The following ZNF682 variants were observed in gnomAD, a reference collection of about 807,000 sequenced individuals.
ZNF682 encodes zinc finger protein 682.
In ZNF682, 29 loss-of-function variants were observed where a neutral mutation model predicts 36.5. That is an observed-to-expected ratio of 0.80 (90% CI 0.59 to 1.08). The LOEUF is 1.08. Among genes scored for constraint, ZNF682 ranks in the 50% least tolerant of loss-of-function variants. The pLI is 0.00. For missense variants in ZNF682, 561 were observed against 579.7 expected (o/e 0.97, Z 0.33); for synonymous variants, 180 against 197.0 (o/e 0.91, Z 0.72).
chr19:19,995,955 C>G (rs2088126816), downstream of ZNF682, among the ~76,000 whole-genome samples: 1 of 152,180 alleles, frequency 6.6e-6, no homozygotes, highest in African/African-American at 2.4e-5. Context: ...TGTGCTCCCT[C>G]ATTGTCATGG....
chr19:20,010,040 T>A lies in ZNF682; in HGVS notation c.227-2765A>T, dbSNP rs377404182. On this transcript the variant is annotated intron_variant, in intron 3 of 3. Transcript: ENST00000397165. ...ATCTCAACAACAACAAAAAAAGAGA[T>A]TAAAAAAAAAAAAGAAATTCCAATC... Among the ~76,000 whole-genome samples the A allele has an allele frequency of 5.4e-5, 8 of 149,486 alleles. No homozygotes were observed. In the South Asian group the frequency reaches 1.1e-3, roughly 20 times the overall value.
At chr19:20,022,654 ACTCT>A (rs1208958181) in intron 3 of ZNF682, among the ~76,000 whole-genome samples, 1 of 150,278 alleles carries the variant, frequency 6.7e-6, no homozygotes, top group East Asian at 1.9e-4. Flanking sequence ...CACGAGCGAA[ACTCT>A]CTCTCTCAAA....
At position 20,036,383 on chromosome 19, in the gene ZNF682, T is replaced by C. The variant is rs536424898; in HGVS notation, c.3+2960A>G. On this transcript the variant is annotated intron_variant, in intron 1 of 3. Transcript: ENST00000397165. ...CCCAGGCTGGAGTGAAGTGGGCAGA[T>C]CACCTGAGGTCAGGAGTTCAGGACC... 5.3e-5 allele frequency among the ~76,000 whole-genome samples: 3 copies of C among 56,658 alleles called. No individual in the cohort carries two copies. The South Asian group carries it at 2.5e-3, about 48-fold the overall frequency. 37.2% of individuals were successfully genotyped at this position (56,658 alleles called of 152,430 possible). A position where few individuals can be genotyped will look rare whatever the true frequency, so the allele number is the denominator to read the frequency against.
chr19:20,015,726 A>T (rs2088329169), intron 3 of ZNF682: 1 of 396,274 alleles, frequency 2.5e-6, no homozygotes, highest in South Asian at 1.3e-4. Flanking sequence ...CATTATAATT[A>T]TTCATAAAAA....
At chr19:20,033,364 A>G (rs975024382) in intron 1 of ZNF682, 5 of 152,476 alleles carry the variant, frequency 3.3e-5, no homozygotes, top group African/African-American at 1.2e-4. Context: ...GTACTGGGCC[A>G]TGGTGCTTCT....
chr19:20,015,388 G>A, intron 3 of ZNF682: 1 of 983,988 alleles, frequency 1.0e-6, no homozygotes. Flanking sequence ...TAAACATATG[G>A]CTGATTCATA....
chr19:20,025,166 T>G (rs1453688505), intron 1 of ZNF682, among the ~76,000 whole-genome samples: 1 of 152,204 alleles, frequency 6.6e-6, no homozygotes, highest in Non-Finnish European at 1.5e-5. Context: ...GAGCCCCAGT[T>G]TATCTGACTA....
At chr19:20,019,965 A>AT (rs1428662621) in intron 3 of ZNF682, among the ~76,000 whole-genome samples, 2 of 151,446 alleles carry the variant, frequency 1.3e-5, no homozygotes, top group Non-Finnish European at 1.5e-5. Flanking sequence ...TAATCCCAGC[A>AT]TTTTGGGAAT....
At chr19:19,998,828 AATAG>A (rs1339408876) in intron 3 of ZNF682, among the ~76,000 whole-genome samples, 5 of 152,176 alleles carry the variant, frequency 3.3e-5, no homozygotes, top group Non-Finnish European at 2.9e-5. Context: ...ACAGTACAGA[AATAG>A]ATAATTAAAC....
Position 20,007,195 on chromosome 19 carries a change from A to G in ZNF682, c.307T>C (p.Tyr103His), listed in dbSNP as rs2088234892. The G allele has an allele frequency of 6.2e-7, 1 of 1,613,572 alleles. No individual in the cohort carries two copies. Among genetic ancestry groups the G allele is most frequent in the African/African-American group, 1.3e-5 (1 of 74,892 alleles). Reference protein sequence around the residue: ...DSFQKVILRRYGSCGLEDLHL... With the variant: ...DSFQKVILRRHGSCGLEDLHL... The stretch of plus-strand genomic sequence containing the variant: ...AAATCCTCAAGTCCACAGCTTCCAT[A>G]TCTTCTCAGTATCACTTTTTGGAAT... The change falls in exon 4 of 4, where the codon TAT becomes CAT. Residue 103 changes from tyrosine (Y) to histidine (H), a missense_variant. Transcript: ENST00000397165.
chr19:20,031,339 A>G (rs2088478061), intron 1 of ZNF682, among the ~76,000 whole-genome samples: 2 of 152,166 alleles, frequency 1.3e-5, no homozygotes, highest in African/African-American at 4.8e-5. Context: ...ATCAGATTCT[A>G]TTTACACCAA....
intron 3 of ZNF682, among the ~76,000 whole-genome samples, chr19:20,022,710 C>T (rs2088396783): frequency 6.6e-6 from 1 of 151,708 alleles, no homozygotes; most frequent in Non-Finnish European, 1.5e-5. Context: ...CTCAAAAATA[C>T]ACATATATTT....
At position 20,026,994 on chromosome 19, in the gene ZNF682, G is replaced by A. The variant is rs138613602; in HGVS notation, c.4-2618C>T. Among the ~76,000 whole-genome samples, 668 of 152,318 alleles carry A rather than the reference G, an allele frequency of 4.4e-3. 3 individuals carry two copies. The highest frequency in any genetic ancestry group is 7.5e-3 in the Non-Finnish European group (510 of 68,018). Reference sequence around the variant, plus strand: ...GTTAGGTAGGAACATCAGAAGTAGAGAAGTAAAAGTTTGTAAGTTCTAAAG... The same window carrying A: ...GTTAGGTAGGAACATCAGAAGTAGAAAAGTAAAAGTTTGTAAGTTCTAAAG... On this transcript the variant is annotated intron_variant, in intron 1 of 3. Coordinates refer to ENST00000397165, the MANE Select transcript of ZNF682 (RefSeq NM_033196.3).
intron 3 of ZNF682, among the ~76,000 whole-genome samples, chr19:20,019,941 G>A (rs1034079990): frequency 6.6e-6 from 1 of 151,658 alleles, no homozygotes; most frequent in Non-Finnish European, 1.5e-5. Flanking sequence ...GCTGGGTATG[G>A]TGGCTCATGC....
chr19:20,039,447 G>A lies in ZNF682; in HGVS notation c.-102C>T. 1 of 1,505,112 alleles carries A rather than the reference G, an allele frequency of 6.6e-7. No individual in the cohort carries two copies. The highest frequency in any genetic ancestry group is 9.1e-7 in the Non-Finnish European group (1 of 1,099,362). 93.2% of individuals were successfully genotyped at this position (1,505,112 alleles called of 1,614,324 possible). A position where few individuals can be genotyped will look rare whatever the true frequency, so the allele number is the denominator to read the frequency against. On this transcript the variant is annotated 5_prime_UTR_variant, in exon 1 of 4. Transcript: ENST00000397165. ...GCGACAGTCACCGGGAACTACTAGA[G>A]CAGAGGATACTAAGCAATGAAGATG... is the stretch of plus-strand genomic sequence containing the variant.
intron 1 of ZNF682, 118 bp downstream of exon 1, chr19:20,039,225 C>G (rs2088561863): frequency 1.3e-6 from 2 of 1,507,962 alleles, no homozygotes; most frequent in Non-Finnish European, 1.8e-6. Flanking sequence ...CTGCCGGGGA[C>G]TCCAGTCCGC....
intron 1 of ZNF682, among the ~76,000 whole-genome samples, chr19:20,026,302 CA>C (rs145561353): frequency 1.4e-5 from 2 of 147,628 alleles, no homozygotes; most frequent in East Asian, 2.0e-4. Flanking sequence ...GGCTCCGTCT[CA>C]AAAAAAAAAC....
At chr19:20,015,444 C>G in intron 3 of ZNF682, 1 of 979,578 alleles carries the variant, frequency 1.0e-6, no homozygotes. Flanking sequence ...GAGCTGAATA[C>G]TGTCATACAA....
At position 20,024,310 on chromosome 19, in the gene ZNF682, C is replaced by G. The variant is rs752263330; in HGVS notation, c.70G>C (p.Ala24Pro). ...ACTTTCCTATACAAACTCTGCTGAG[C>G]AGGGTTCAGAAACTCCCACTCCTCC... Reference protein sequence around the residue: ...SLEEWEFLNPAQQSLYRKVML... With the variant: ...SLEEWEFLNPPQQSLYRKVML... The change falls in exon 2 of 4, where the codon GCT (alanine) becomes CCT (proline). Residue 24 changes from alanine to proline, a missense_variant. Coordinates refer to ENST00000397165, the MANE Select transcript of ZNF682 (RefSeq NM_033196.3). 2 of 1,614,038 alleles carry G rather than the reference C, an allele frequency of 1.2e-6. No individual in the cohort carries two copies. The highest frequency in any genetic ancestry group is 4.5e-5 in the East Asian group (2 of 44,866).
Sources: gnomAD v4.1 joint callset for allele counts (sites outside exome capture counted in the v4.1 genomes callset) on GRCh38, gnomAD v4.1.1 for gene constraint, MANE v1.5 for transcripts, NCBI Gene and HGNC (gene_info 2026-07-23, HGNC 2026-07-21) for gene names.